Variants in TENM3 observed in about 807,000 individuals in gnomAD.
The protein encoded by TENM3 is teneurin transmembrane protein 3, also known as teneurin-3.
TENM3 carries 63 observed loss-of-function variants against 255.1 expected under a neutral mutation model. The ratio of observed to expected loss-of-function variants is 0.25; its 90% CI spans 0.20 to 0.30. TENM3 has a LOEUF of 0.30. Ranked by LOEUF, TENM3 falls within the 10% of genes least tolerant of loss-of-function variation. The pLI is 1.00. For missense variants in TENM3, 2,929 were observed against 3,461.1 expected (o/e 0.85, Z 3.86); for synonymous variants, 1,306 against 1,322.3 (o/e 0.99, Z 0.27).
the TENM3 span, among the ~76,000 whole-genome samples, chr4:181,619,337 C>T: frequency 1.3e-5 from 2 of 152,078 alleles, no homozygotes; most frequent in South Asian, 2.1e-4. Flanking sequence ...TTGTATTTCT[C>T]ACATATATAA....
chr4:181,912,013 T>C, the TENM3 span, among the ~76,000 whole-genome samples: 13 of 152,312 alleles, frequency 8.5e-5, no homozygotes, highest in East Asian at 2.5e-3. Flanking sequence ...GTACCTCAAG[T>C]GTATTTTAGG....
At chr4:182,687,268 C>CTT (rs1322570939) in intron 11 of TENM3, among the ~76,000 whole-genome samples, 1 of 152,108 alleles carries the variant, frequency 6.6e-6, no homozygotes, top group Non-Finnish European at 1.5e-5. Context: ...CTATAGCTAA[C>CTT]TTTAATCTTA....
intron 1 of TENM3, among the ~76,000 whole-genome samples, chr4:182,222,055 C>T (rs2149966486): frequency 6.6e-6 from 1 of 152,314 alleles, no homozygotes; most frequent in African/African-American, 2.4e-5. Context: ...AGGCTTCCAT[C>T]AACCTCCATC....
At chr4:181,639,129 GA>G in the TENM3 span, among the ~76,000 whole-genome samples, 2 of 152,158 alleles carry the variant, frequency 1.3e-5, no homozygotes, top group African/African-American at 4.8e-5. Context: ...TGACATAGCA[GA>G]AAGTTCTTCT....
At chr4:181,554,644 A>C in the TENM3 span, among the ~76,000 whole-genome samples, 1 of 152,192 alleles carries the variant, frequency 6.6e-6, no homozygotes, top group African/African-American at 2.4e-5. Flanking sequence ...GATGTTATTA[A>C]ATTCTTTATT....
intron 3 of TENM3, among the ~76,000 whole-genome samples, chr4:182,554,388 A>G (rs1560914888): frequency 6.6e-6 from 1 of 152,238 alleles, no homozygotes; most frequent in Non-Finnish European, 1.5e-5. Flanking sequence ...TTATAGTGTG[A>G]TTGAACAATT....
At chr4:181,873,209 G>A in the TENM3 span, among the ~76,000 whole-genome samples, 1 of 151,754 alleles carries the variant, frequency 6.6e-6, no homozygotes, top group African/African-American at 2.4e-5. Context: ...CTGAGATTAC[G>A]GAGGCATGCC....
chr4:181,481,138 T>TA, the TENM3 span, among the ~76,000 whole-genome samples: 1 of 151,390 alleles, frequency 6.6e-6, no homozygotes, highest in Non-Finnish European at 1.5e-5. Flanking sequence ...AAAAAACCTA[T>TA]AAAAAACTCT....
At chr4:181,855,364 G>A in the TENM3 span, among the ~76,000 whole-genome samples, 87 of 152,252 alleles carry the variant, frequency 5.7e-4, 1 homozygote, top group Middle Eastern at 3.4e-3. Flanking sequence ...GTTTAAGATT[G>A]GCATGTACTT....
chr4:182,650,888 AAATATATATAT>A (rs1191500638), intron 5 of TENM3, among the ~76,000 whole-genome samples: 1 of 19,808 alleles, frequency 5.0e-5, no homozygotes, highest in African/African-American at 3.2e-4. Context: ...TAATAAAAAA[AAATATATATAT>A]ATATATATAT....
chr4:181,555,546 A>G, the TENM3 span, among the ~76,000 whole-genome samples: 5 of 152,220 alleles, frequency 3.3e-5, no homozygotes, highest in East Asian at 9.6e-4. Context: ...TAAGCAAGTT[A>G]GTGATCTCTG....
chr4:182,076,782 T>C, the TENM3 span, among the ~76,000 whole-genome samples: 1 of 152,150 alleles, frequency 6.6e-6, no homozygotes, highest in Admixed American at 6.5e-5. Flanking sequence ...GTGATCTCTG[T>C]GGCAACTACT....
At chr4:182,419,747 A>T (rs1770668526) in intron 3 of TENM3, among the ~76,000 whole-genome samples, 1 of 152,046 alleles carries the variant, frequency 6.6e-6, no homozygotes, top group Admixed American at 6.6e-5. Context: ...GGAAACCATC[A>T]TTCTGAGCAA....
chr4:182,049,153 A>G, the TENM3 span, among the ~76,000 whole-genome samples: 1 of 152,156 alleles, frequency 6.6e-6, no homozygotes, highest in Non-Finnish European at 1.5e-5. Context: ...ATGTCCAGCT[A>G]TAGATCTACC....
intron 13 of TENM3, among the ~76,000 whole-genome samples, chr4:182,720,581 G>C (rs1759636759): frequency 6.6e-6 from 1 of 152,126 alleles, no homozygotes; most frequent in South Asian, 2.1e-4. Flanking sequence ...GCTATCCACA[G>C]AATTTTAGAG....
At chr4:181,685,720 A>G in the TENM3 span, among the ~76,000 whole-genome samples, 1 of 152,136 alleles carries the variant, frequency 6.6e-6, no homozygotes, top group Non-Finnish European at 1.5e-5. Flanking sequence ...CACCCCAGAA[A>G]TGAGTTTTTG....
the TENM3 span, among the ~76,000 whole-genome samples, chr4:181,692,903 A>C: frequency 6.6e-6 from 1 of 152,292 alleles, no homozygotes; most frequent in East Asian, 1.9e-4. Context: ...TGCCTTTGCC[A>C]CAGAAGCTGG....
intron 5 of TENM3, among the ~76,000 whole-genome samples, chr4:182,639,718 T>C (rs1752131442): frequency 6.6e-6 from 1 of 152,252 alleles, no homozygotes; most frequent in Admixed American, 6.5e-5. Flanking sequence ...TATTTTCTTA[T>C]GTCAGATTAT....
At chr4:181,777,853 A>G in the TENM3 span, among the ~76,000 whole-genome samples, 1 of 152,158 alleles carries the variant, frequency 6.6e-6, no homozygotes, top group African/African-American at 2.4e-5. Flanking sequence ...GTCTGATTAC[A>G]CCACAGTTCC....
Sources: allele counts gnomAD v4.1 joint callset (sites outside exome capture counted in the v4.1 genomes callset), GRCh38; gene constraint gnomAD v4.1.1; transcripts MANE v1.5; gene names NCBI Gene and HGNC (gene_info 2026-07-23, HGNC 2026-07-21).